The following ERC2 variants were observed in gnomAD, a reference collection of about 807,000 sequenced individuals.
ERC2 encodes ERC protein 2.
In ERC2, 42 loss-of-function variants were observed where a neutral mutation model predicts 114.8. The ratio of observed to expected loss-of-function variants is 0.37; its 90% CI spans 0.29 to 0.47. The LOEUF (loss-of-function observed/expected upper bound fraction) is 0.47. ERC2 is among the 20% of genes least tolerant of loss of function. ERC2 has a pLI of 0.99. For synonymous variants in ERC2, 454 were observed against 425.5 expected, an observed-to-expected ratio of 1.07 and a Z score of -0.82; for missense variants, 939 against 1,150.7, an observed-to-expected ratio of 0.82 and a Z score of 2.66.
intron 2 of ERC2, among the ~76,000 whole-genome samples, chr3:56,371,978 A>T (rs563161395): frequency 1.3e-5 from 2 of 152,230 alleles, no homozygotes; most frequent in Non-Finnish European, 2.9e-5. Flanking sequence ...GGGATCTCTC[A>T]TGCTGTGTTT....
At chr3:55,950,694 C>A in intron 12 of ERC2, 134 bp from the exon 13 acceptor site, 1 of 988,818 alleles carries the variant, frequency 1.0e-6, no homozygotes, top group Non-Finnish European at 1.5e-6. Context: ...TCTGAATAAT[C>A]CATTCATTCA....
chr3:55,819,094 A>G (rs1226023203), intron 14 of ERC2, among the ~76,000 whole-genome samples: 1 of 152,208 alleles, frequency 6.6e-6, no homozygotes, highest in Non-Finnish European at 1.5e-5. Flanking sequence ...TATGGTTTAA[A>G]GTAAATGCAT....
chr3:56,080,328 G>C (rs1176563054), intron 7 of ERC2, among the ~76,000 whole-genome samples: 9 of 152,104 alleles, frequency 5.9e-5, no homozygotes, highest in Non-Finnish European at 1.3e-4. Flanking sequence ...CTGTGGCTGG[G>C]AATTATTATA....
chr3:56,071,271 G>A (rs886420190), intron 7 of ERC2, among the ~76,000 whole-genome samples: 1 of 152,202 alleles, frequency 6.6e-6, no homozygotes, highest in Non-Finnish European at 1.5e-5. Flanking sequence ...ATGCCATAGG[G>A]ACATGGAAAG....
chr3:56,003,988 A>G (rs2149553905), intron 10 of ERC2, among the ~76,000 whole-genome samples: 1 of 152,188 alleles, frequency 6.6e-6, no homozygotes, highest in East Asian at 1.9e-4. Context: ...ATATTGTAGA[A>G]ACTGTTACTT....
intron 11 of ERC2, 45 bp downstream of exon 11, chr3:55,992,012 C>A: frequency 1.3e-6 from 2 of 1,567,720 alleles, no homozygotes; most frequent in South Asian, 2.3e-5. Context: ...ACCACGCAGT[C>A]CATGTTCTCT....
intron 2 of ERC2, among the ~76,000 whole-genome samples, chr3:56,297,245 A>T (rs2055506715): frequency 6.6e-6 from 1 of 152,142 alleles, no homozygotes; most frequent in Non-Finnish European, 1.5e-5. Context: ...AGAAAAAAAA[A>T]TTCTAATTAC....
chr3:55,515,823 G>A (rs184881600), intron 17 of ERC2, among the ~76,000 whole-genome samples: 227 of 151,932 alleles, frequency 1.5e-3, no homozygotes, highest in Non-Finnish European at 2.6e-3. Context: ...GTTTTTCTTT[G>A]GAATAAAGAC....
intron 3 of ERC2, 85 bp downstream of exon 3, chr3:56,295,934 A>G: frequency 2.9e-6 from 4 of 1,386,604 alleles, no homozygotes; most frequent in South Asian, 1.5e-5. Context: ...AAGGATGTAG[A>G]TATCTTCCAA....
At chr3:55,760,324 G>A (rs542723154) in intron 14 of ERC2, among the ~76,000 whole-genome samples, 3 of 152,184 alleles carry the variant, frequency 2.0e-5, no homozygotes, top group African/African-American at 4.8e-5. Context: ...CTTTAGTGAG[G>A]TTGTGAAAAA....
intron 6 of ERC2, among the ~76,000 whole-genome samples, chr3:56,138,402 G>A (rs146747845): frequency 2.1e-3 from 318 of 152,296 alleles, no homozygotes; most frequent in Non-Finnish European, 3.7e-3. Flanking sequence ...ACATCATTGA[G>A]ACCAAGGTGA....
intron 1 of ERC2, among the ~76,000 whole-genome samples, chr3:56,460,329 A>T (rs2063254766): frequency 1.3e-5 from 2 of 152,228 alleles, no homozygotes; most frequent in Admixed American, 1.3e-4. Flanking sequence ...AGAGTAAGGC[A>T]GAGGTGGATT....
intron 2 of ERC2, among the ~76,000 whole-genome samples, chr3:56,413,591 A>C (rs1559468271): frequency 6.6e-6 from 1 of 152,182 alleles, no homozygotes; most frequent in Non-Finnish European, 1.5e-5. Flanking sequence ...CCTTGGTCAG[A>C]CACTGGGGAG....
In ERC2 at chr3:56,434,786, G is replaced by T. The variant is rs747123513; in HGVS notation, c.222C>A (p.Thr74=). ...CCAGAGTCATAGTGCCCTTTGGGTA[G>T]GTTGTTGAAGCCACCCCTTCATGAT... ...LSDHEGVAST[T]YPKGTMTLGR... The change falls in exon 2 of 18, where the codon ACC becomes ACA. Residue 74 remains threonine, a synonymous_variant. Transcript: ENST00000288221. 4 of 1,613,978 alleles carry T rather than the reference G, an allele frequency of 2.5e-6. No individual in the cohort carries two copies. Among genetic ancestry groups the T allele is most frequent in the South Asian group, 1.1e-5 (1 of 91,086 alleles).
At chr3:55,819,449 T>C (rs1181272778) in intron 14 of ERC2, among the ~76,000 whole-genome samples, 5 of 152,244 alleles carry the variant, frequency 3.3e-5, no homozygotes, top group African/African-American at 1.2e-4. Context: ...TAAATAACTT[T>C]ATGCAGTACA....
intron 3 of ERC2, among the ~76,000 whole-genome samples, chr3:56,204,449 A>C (rs1328310680): frequency 7.1e-6 from 1 of 141,252 alleles, no homozygotes; most frequent in African/African-American, 2.5e-5. Flanking sequence ...TAAAGTTTTT[A>C]ATGTGACACA....
At chr3:55,979,945 CTTCTTTTTTT>C (rs1468281503) in intron 12 of ERC2, among the ~76,000 whole-genome samples, 1 of 148,592 alleles carries the variant, frequency 6.7e-6, no homozygotes, top group Non-Finnish European at 1.5e-5. Flanking sequence ...CCTATCTCTT[CTTCTTTTTTT>C]TTCTTTTTTT....
At chr3:55,872,662 G>A (rs1487909187) in intron 14 of ERC2, among the ~76,000 whole-genome samples, 3 of 152,162 alleles carry the variant, frequency 2.0e-5, no homozygotes, top group South Asian at 4.1e-4. Flanking sequence ...AAAAGAAAAC[G>A]GCTCTGATTG....
At chr3:55,519,396 G>A (rs1000871212) in intron 17 of ERC2, among the ~76,000 whole-genome samples, 2 of 152,130 alleles carry the variant, frequency 1.3e-5, no homozygotes, top group Non-Finnish European at 2.9e-5. Flanking sequence ...ATGTTAATGT[G>A]GAATACCTCA....
Sources: gnomAD v4.1 joint callset for allele counts (sites outside exome capture counted in the v4.1 genomes callset) on GRCh38, gnomAD v4.1.1 for gene constraint, MANE v1.5 for transcripts, NCBI Gene and HGNC (gene_info 2026-07-23, HGNC 2026-07-21) for gene names.